EYS: variants seen among roughly 807,000 people sequenced by gnomAD.
EYS encodes the protein protein eyes shut homolog.
EYS carries 250 observed loss-of-function variants against 282.1 expected under a neutral mutation model. That is an observed-to-expected ratio of 0.89 (90% CI 0.80 to 0.98). The LOEUF is 0.98. Ranked by LOEUF, EYS falls within the 50% of genes least tolerant of loss-of-function variation. EYS has a pLI of 0.00. For missense variants in EYS, 4,016 were observed against 3,709.0 expected, an observed-to-expected ratio of 1.08 and a Z score of -2.15; for synonymous variants, 1,355 against 1,282.9, an observed-to-expected ratio of 1.06 and a Z score of -1.20.
At chr6:65,289,437 C>T (rs895683819) in intron 12 of EYS, among the ~76,000 whole-genome samples, 1 of 150,920 alleles carries the variant, frequency 6.6e-6, no homozygotes, top group Non-Finnish European at 1.5e-5. Flanking sequence ...TAGATTGAAA[C>T]ACTGAGTTTT....
At chr6:65,690,685 C>G (rs1582607725) in intron 1 of EYS, among the ~76,000 whole-genome samples, 1 of 148,662 alleles carries the variant, frequency 6.7e-6, no homozygotes, top group South Asian at 2.2e-4. Context: ...CCTACATCAA[C>G]CCATCATCCA....
At chr6:65,148,246 C>T (rs947888263) in intron 12 of EYS, among the ~76,000 whole-genome samples, 1 of 152,122 alleles carries the variant, frequency 6.6e-6, no homozygotes, top group African/African-American at 2.4e-5. Flanking sequence ...GCCTATGAGC[C>T]TGTAAAATCA....
rs143561590 is a variant in EYS, at chr6:65,383,758, A to C, written c.1299+628T>G. The stretch of plus-strand genomic sequence containing the variant: ...TTTTTATATTTGTAAGTATTAATAC[A>C]TATAGCTATTGTCTATTCATTTTAA... On this transcript the variant is annotated intron_variant, in intron 8 of 42. Transcript: ENST00000503581. 4.0e-3 allele frequency among the ~76,000 whole-genome samples: 614 copies of C among 152,004 alleles called. 5 individuals are homozygous for C. Among genetic ancestry groups the C allele is most frequent in the African/African-American group, 0.014 (579 of 41,530 alleles).
intron 33 of EYS, among the ~76,000 whole-genome samples, chr6:64,046,172 T>C (rs1011779956): frequency 7.4e-5 from 11 of 148,172 alleles, no homozygotes; most frequent in African/African-American, 2.7e-4. Context: ...ATGTAATATA[T>C]TTTAGAGATT....
chr6:64,058,458 A>G (rs1340408170), intron 33 of EYS, among the ~76,000 whole-genome samples: 1 of 152,196 alleles, frequency 6.6e-6, no homozygotes, highest in African/African-American at 2.4e-5. Context: ...CTCTCTAACC[A>G]TAATGATAAA....
intron 16 of EYS, among the ~76,000 whole-genome samples, chr6:64,903,807 G>T (rs1320182616): frequency 1.3e-5 from 2 of 152,034 alleles, no homozygotes; most frequent in African/African-American, 4.8e-5. Context: ...GTCTACCATT[G>T]GATCAAACTG....
chr6:64,714,461 CGT>C (rs920624850), intron 22 of EYS, among the ~76,000 whole-genome samples: 2 of 151,074 alleles, frequency 1.3e-5, no homozygotes, highest in African/African-American at 4.9e-5. Flanking sequence ...GCAGTTGACT[CGT>C]GTGTAATATT....
chr6:64,752,088 A>C (rs1335800168), intron 22 of EYS, among the ~76,000 whole-genome samples: 1 of 152,126 alleles, frequency 6.6e-6, no homozygotes, highest in Non-Finnish European at 1.5e-5. Context: ...ACAAACAAAC[A>C]AACAAACAAA....
intron 1 of EYS, among the ~76,000 whole-genome samples, chr6:65,641,776 A>G (rs1433302877): frequency 6.6e-6 from 1 of 152,028 alleles, no homozygotes; most frequent in Admixed American, 6.6e-5. Flanking sequence ...CCTTTTTTAC[A>G]TCTGTAGCAT....
chr6:65,329,605 A>G, intron 11 of EYS: 1 of 981,594 alleles, frequency 1.0e-6, no homozygotes, highest in Non-Finnish European at 1.2e-6. Context: ...TACCCACATA[A>G]AACTTTTACT....
intron 33 of EYS, among the ~76,000 whole-genome samples, chr6:64,007,585 GT>G (rs1768410963): frequency 6.6e-6 from 1 of 151,936 alleles, no homozygotes; most frequent in Admixed American, 6.6e-5. Context: ...GTGGTGTTAA[GT>G]TGTTAATTTG....
intron 12 of EYS, among the ~76,000 whole-genome samples, chr6:65,173,695 T>C (rs1765163283): frequency 6.6e-6 from 1 of 151,088 alleles, no homozygotes; most frequent in African/African-American, 2.4e-5. Context: ...AGATTTAACA[T>C]TGGCAAATCA....
At chr6:63,788,376 A>G (rs1770422432) in intron 38 of EYS, 127 bp from the exon 39 acceptor site, 1 of 689,256 alleles carries the variant, frequency 1.5e-6, no homozygotes, top group Non-Finnish European at 2.4e-6. Flanking sequence ...TTTTGAAGAA[A>G]TAACATGATA....
At chr6:64,820,497 G>A (rs1157967315) in intron 21 of EYS, among the ~76,000 whole-genome samples, 5 of 151,978 alleles carry the variant, frequency 3.3e-5, no homozygotes, top group Admixed American at 3.3e-4. Context: ...CTCTACTAGG[G>A]AATTTATTTA....
chr6:65,468,629 G>A (rs926328254), intron 5 of EYS, among the ~76,000 whole-genome samples: 3 of 151,852 alleles, frequency 2.0e-5, no homozygotes, highest in African/African-American at 7.3e-5. Context: ...GTATTTGGGT[G>A]CCTTTGGTTA....
chr6:65,326,808 T>C (rs1267419711), intron 11 of EYS, among the ~76,000 whole-genome samples: 1 of 151,704 alleles, frequency 6.6e-6, no homozygotes, highest in African/African-American at 2.4e-5. Context: ...TGGGTTACTA[T>C]TGTAAATAAA....
intron 22 of EYS, among the ~76,000 whole-genome samples, chr6:64,654,550 C>T (rs1242311614): frequency 1.3e-5 from 2 of 152,044 alleles, no homozygotes; most frequent in East Asian, 3.9e-4. Flanking sequence ...ATAAGTAGGA[C>T]CAAGTTGCAG....
chr6:64,727,531 T>C (rs1040508232), intron 22 of EYS, among the ~76,000 whole-genome samples: 3 of 152,200 alleles, frequency 2.0e-5, no homozygotes, highest in Non-Finnish European at 1.5e-5. Flanking sequence ...TACTTTTTTC[T>C]CTTTAAATGT....
At chr6:64,021,641 T>C (rs1405119694) in intron 33 of EYS, among the ~76,000 whole-genome samples, 2 of 152,166 alleles carry the variant, frequency 1.3e-5, no homozygotes, top group Non-Finnish European at 2.9e-5. Flanking sequence ...AAGATTATCA[T>C]ATGTTGTAAC....
Sources: allele counts gnomAD v4.1 joint callset (sites outside exome capture counted in the v4.1 genomes callset), GRCh38; gene constraint gnomAD v4.1.1; transcripts MANE v1.5; gene names NCBI Gene and HGNC (gene_info 2026-07-23, HGNC 2026-07-21).